Variants in NPAS3 observed in about 807,000 individuals in gnomAD.
NPAS3 encodes neuronal PAS domain-containing protein 3.
NPAS3 carries 14 observed loss-of-function variants against 73.1 expected under a neutral mutation model. The ratio of observed to expected loss-of-function variants is 0.19; its 90% CI spans 0.13 to 0.30. The LOEUF (loss-of-function observed/expected upper bound fraction) is 0.30. Among genes scored for constraint, NPAS3 ranks in the 10% least tolerant of loss-of-function variants. The pLI, the probability that NPAS3 is intolerant of heterozygous loss-of-function variation, is 1.00. For missense variants in NPAS3, 1,096 were observed against 1,250.0 expected, an observed-to-expected ratio of 0.88 and a Z score of 1.86; for synonymous variants, 620 against 541.5, an observed-to-expected ratio of 1.14 and a Z score of -2.01.
intron 4 of NPAS3, among the ~76,000 whole-genome samples, chr14:33,494,739 A>G (rs957834311): frequency 1.3e-5 from 2 of 152,134 alleles, no homozygotes; most frequent in Non-Finnish European, 2.9e-5. Context: ...TTTACAGTCA[A>G]CAACATTCCT....
In NPAS3 at chr14:33,265,117, G is replaced by A. The variant is rs145096217; in HGVS notation, c.385+49691G>A. The stretch of plus-strand genomic sequence containing the variant: ...TAGCTTTCTTGAAACAAGGTCCCTC[G>A]TGTTAATTCAAGGCAGCTGCTGTGA... On this transcript the variant is annotated intron_variant, in intron 3 of 11. Transcript: ENST00000356141. 1.6e-3 allele frequency among the ~76,000 whole-genome samples: 248 copies of A among 152,252 alleles called. 1 individual carries two copies. The highest frequency in any genetic ancestry group is 5.5e-3 in the African/African-American group (228 of 41,548).
At chr14:33,786,611 T>A (rs2063183112) in intron 9 of NPAS3, among the ~76,000 whole-genome samples, 1 of 152,246 alleles carries the variant, frequency 6.6e-6, no homozygotes, top group African/African-American at 2.4e-5. Flanking sequence ...CCCTTTGCGC[T>A]TTCATAGACC....
chr14:33,652,277 G>A (rs2059016682), intron 5 of NPAS3, among the ~76,000 whole-genome samples: 1 of 152,152 alleles, frequency 6.6e-6, no homozygotes, highest in South Asian at 2.1e-4. Flanking sequence ...AGAGCTTGCT[G>A]TTGCATTCTC....
intron 1 of NPAS3, among the ~76,000 whole-genome samples, chr14:32,992,738 T>C (rs78529438): frequency 1.3e-5 from 2 of 152,234 alleles, no homozygotes; most frequent in East Asian, 1.9e-4. Flanking sequence ...AAACTCATGA[T>C]TAAATTTAGA....
At chr14:33,466,044 G>A (rs149024284) in intron 4 of NPAS3, among the ~76,000 whole-genome samples, 73 of 152,266 alleles carry the variant, frequency 4.8e-4, no homozygotes, top group African/African-American at 1.3e-3. Context: ...AGGCTGGAGC[G>A]TGAGCAAAAC....
chr14:33,586,382 G>T (rs992339878), intron 5 of NPAS3, among the ~76,000 whole-genome samples: 1 of 151,836 alleles, frequency 6.6e-6, no homozygotes, highest in African/African-American at 2.4e-5. Flanking sequence ...TTTATAAACA[G>T]ATACTTTCTT....
rs991239192 is a variant in NPAS3 at position 33,355,404 on chromosome 14, G to T, written c.386-11782G>T. Among the ~76,000 whole-genome samples, 3 of 152,056 alleles carry T rather than the reference G, an allele frequency of 2.0e-5. No individual in the cohort carries two copies. In the East Asian group the frequency reaches 5.8e-4, roughly 29 times the overall value. On this transcript the variant is annotated intron_variant, in intron 3 of 11. Coordinates refer to ENST00000356141, the Ensembl canonical transcript of NPAS3. Reference sequence around the variant, plus strand: ...CATCCTCCGCCTCCCAGGTTCAAGCGATTCTCCTGCCTCAGCCTCCCAAGT... The same window carrying T: ...CATCCTCCGCCTCCCAGGTTCAAGCTATTCTCCTGCCTCAGCCTCCCAAGT...
At chr14:33,234,906 T>C (rs1362077244) in intron 3 of NPAS3, among the ~76,000 whole-genome samples, 1 of 152,112 alleles carries the variant, frequency 6.6e-6, no homozygotes, top group Non-Finnish European at 1.5e-5. Context: ...CTCATGACGC[T>C]TTCTGACAAC....
intron 2 of NPAS3, among the ~76,000 whole-genome samples, chr14:33,137,284 A>G (rs1479842201): frequency 6.6e-6 from 1 of 152,192 alleles, no homozygotes; most frequent in Non-Finnish European, 1.5e-5. Flanking sequence ...ATCTCCATCA[A>G]GGCATCTGAG....
At chr14:33,022,434 G>A (rs1189018505) in intron 1 of NPAS3, among the ~76,000 whole-genome samples, 1 of 152,156 alleles carries the variant, frequency 6.6e-6, no homozygotes, top group African/African-American at 2.4e-5. Context: ...GGAGGCTGAG[G>A]CGGGCGGATC....
At chr14:33,291,215 G>C (rs1161818161) in intron 3 of NPAS3, among the ~76,000 whole-genome samples, 1 of 152,128 alleles carries the variant, frequency 6.6e-6, no homozygotes, top group Non-Finnish European at 1.5e-5. Context: ...AAGTATATCA[G>C]CTTCTGTTTA....
chr14:33,762,690 A>G (rs17101859), intron 7 of NPAS3, among the ~76,000 whole-genome samples: 3,496 of 152,302 alleles, frequency 0.023, 143 homozygotes, highest in African/African-American at 0.079. Context: ...CTATTTAAAC[A>G]GCTTTGGAAA....
chr14:33,745,346 C>G (rs1463433526), intron 7 of NPAS3, among the ~76,000 whole-genome samples: 1 of 152,216 alleles, frequency 6.6e-6, no homozygotes, highest in Non-Finnish European at 1.5e-5. Context: ...CAAAATTACT[C>G]TACTGAAGAG....
At chr14:33,585,036 C>A (rs912677897) in intron 5 of NPAS3, among the ~76,000 whole-genome samples, 65 of 151,296 alleles carry the variant, frequency 4.3e-4, no homozygotes, top group African/African-American at 1.5e-3. Context: ...CAGCATTGAG[C>A]TAGGGCAGCA....
chr14:33,551,251 T>C (rs1046595247), intron 4 of NPAS3, among the ~76,000 whole-genome samples: 1 of 152,200 alleles, frequency 6.6e-6, no homozygotes, highest in East Asian at 1.9e-4. Context: ...GTGTCTGCGG[T>C]CTCTAAATGG....
chr14:33,131,197 C>T (rs1365913035), intron 2 of NPAS3, among the ~76,000 whole-genome samples: 1 of 152,074 alleles, frequency 6.6e-6, no homozygotes. Flanking sequence ...AGTTTTTAGT[C>T]TCTCTTGTGT....
At chr14:33,424,075 A>G (rs1179905261) in intron 4 of NPAS3, among the ~76,000 whole-genome samples, 3 of 152,052 alleles carry the variant, frequency 2.0e-5, no homozygotes, top group African/African-American at 4.8e-5. Context: ...AATTGCAGCT[A>G]TAACAAATGC....
At chr14:33,305,854 T>A (rs1311259023) in intron 3 of NPAS3, among the ~76,000 whole-genome samples, 1 of 152,200 alleles carries the variant, frequency 6.6e-6, no homozygotes, top group East Asian at 1.9e-4. Context: ...ACTATAATTT[T>A]AAAGAAAACT....
intron 2 of NPAS3, among the ~76,000 whole-genome samples, chr14:33,144,336 G>A (rs2044164105): frequency 1.3e-5 from 2 of 152,222 alleles, no homozygotes; most frequent in African/African-American, 2.4e-5. Context: ...CTTTTAAGAT[G>A]TGCTTGTTGG....
Sources: gnomAD v4.1 joint callset for allele counts (sites outside exome capture counted in the v4.1 genomes callset) on GRCh38, gnomAD v4.1.1 for gene constraint, MANE v1.5 for transcripts, NCBI Gene and HGNC (gene_info 2026-07-23, HGNC 2026-07-21) for gene names.